Variants in TCF3 observed in about 807,000 individuals in gnomAD.
The protein encoded by TCF3 is transcription factor 3.
Under a neutral mutation model 72.3 loss-of-function variants are expected in TCF3, and 54 were observed. The observed-to-expected ratio is 0.75, with a 90% CI of 0.60 to 0.94. The LOEUF is 0.94. Among genes scored for constraint, TCF3 ranks in the 40% least tolerant of loss-of-function variants. The pLI, the probability that TCF3 is intolerant of heterozygous loss-of-function variation, is 0.00. For synonymous variants in TCF3, 525 were observed against 412.6 expected (o/e 1.27, Z -3.30); for missense variants, 1,078 against 934.4 (o/e 1.15, Z -2.00).
chr19:1,646,471 C>A lies in TCF3; in HGVS notation c.73-44G>T, dbSNP rs1241900164. The A allele has an allele frequency of 3.9e-6, 6 of 1,526,900 alleles. No homozygotes were observed. In the East Asian group the frequency reaches 1.2e-4, roughly 31 times the overall value. The allele number at this position is 1,526,900 out of a possible 1,614,324, so 94.6% of individuals were successfully genotyped here. On this transcript the variant is annotated intron_variant, in intron 2 of 18. Coordinates refer to ENST00000262965, the MANE Select transcript of TCF3 (RefSeq NM_003200.5). ...AGACGTGAGCGGGGCGGGTGGCAAA[C>A]CAAACCCTACAGTCCCGGGTTCAAA...
At chr19:1,643,307 G>A (rs766831517) in intron 3 of TCF3, among the ~76,000 whole-genome samples, 7 of 151,510 alleles carry the variant, frequency 4.6e-5, no homozygotes, top group South Asian at 2.1e-4. Flanking sequence ...TGCAACCTCC[G>A]CCTCCCAGGC....
intron 4 of TCF3, 92 bp from the exon 5 acceptor site, chr19:1,632,208 C>T (rs1456314119): frequency 6.4e-7 from 1 of 1,554,154 alleles, no homozygotes; most frequent in Non-Finnish European, 8.7e-7. Context: ...GACTCAAACC[C>T]ATGTCCCCCA....
chr19:1,613,104 G>C (rs1051289604), intron 18 of TCF3, among the ~76,000 whole-genome samples: 1 of 152,022 alleles, frequency 6.6e-6, no homozygotes, highest in African/African-American at 2.4e-5. Flanking sequence ...GGACAGCAGT[G>C]GGGGTACACG....
chr19:1,638,268 C>T (rs557877890), intron 3 of TCF3, among the ~76,000 whole-genome samples: 1 of 152,348 alleles, frequency 6.6e-6, no homozygotes, highest in Non-Finnish European at 1.5e-5. Flanking sequence ...GCCATTTGCT[C>T]AAGCCCTCAC....
At chr19:1,617,054 G>A (rs992261357) in intron 16 of TCF3, among the ~76,000 whole-genome samples, 2 of 152,222 alleles carry the variant, frequency 1.3e-5, no homozygotes, top group Non-Finnish European at 2.9e-5. Context: ...AGCACATCAA[G>A]AGATTAAGGA....
At position 1,611,656 on chromosome 19, in the gene TCF3, G is replaced by A; in HGVS notation, c.*51C>T. 6.3e-7 allele frequency: 1 copy of A among 1,579,222 alleles called. No individual in the cohort carries two copies. Among genetic ancestry groups the A allele is most frequent in the East Asian group, 2.3e-5 (1 of 44,316 alleles). Reference sequence around the variant, plus strand: ...CGGGGTCTCGAGTGGCCGTTCTGGGGCCAGAGCACAGGGCTGAAAGCGGGT... The same window carrying A: ...CGGGGTCTCGAGTGGCCGTTCTGGGACCAGAGCACAGGGCTGAAAGCGGGT... On this transcript the variant is annotated 3_prime_UTR_variant, in exon 19 of 19. Transcript: ENST00000262965.
At chr19:1,646,733 C>T (rs964603272) in intron 2 of TCF3, among the ~76,000 whole-genome samples, 3 of 152,230 alleles carry the variant, frequency 2.0e-5, no homozygotes, top group Non-Finnish European at 4.4e-5. Context: ...CCTGCCTTTG[C>T]TCTGGGGGGA....
Position 1,645,460 on chromosome 19 carries a change from C to T in TCF3, c.145+895G>A, listed in dbSNP as rs142259786. ...CCAGGGCTCCCCGCTGCCCCTGCAACGAACACAGCGCCCCTAGCCCGCCCC... is the reference window on the plus strand; with the variant it reads ...CCAGGGCTCCCCGCTGCCCCTGCAATGAACACAGCGCCCCTAGCCCGCCCC... On this transcript the variant is annotated intron_variant, in intron 3 of 18. Coordinates refer to ENST00000262965, the MANE Select transcript of TCF3 (RefSeq NM_003200.5). Among the ~76,000 whole-genome samples the T allele has an allele frequency of 4.5e-3, 692 of 152,284 alleles. 12 individuals carry two copies. Among genetic ancestry groups the T allele is most frequent in the African/African-American group, 0.016 (657 of 41,546 alleles).
chr19:1,625,398 TGCCTCGACCCCC>T (rs1268925255), intron 7 of TCF3, among the ~76,000 whole-genome samples, 166 bp downstream of exon 7: 1 of 152,170 alleles, frequency 6.6e-6, no homozygotes, highest in Non-Finnish European at 1.5e-5. Context: ...CGCCGGCCCC[TGCCTCGACCCCC>T]CGTCACCGTC....
intron 5 of TCF3, among the ~76,000 whole-genome samples, chr19:1,630,332 C>G (rs887590602): frequency 6.6e-6 from 1 of 152,198 alleles, no homozygotes; most frequent in Admixed American, 6.5e-5. Context: ...GGCCCTCAGA[C>G]ACACCCGCCA....
At chr19:1,613,655 G>A (rs1414820965) in intron 18 of TCF3, among the ~76,000 whole-genome samples, 3 of 152,110 alleles carry the variant, frequency 2.0e-5, no homozygotes, top group African/African-American at 4.8e-5. Flanking sequence ...ACCCGGGACT[G>A]GGGAGTCCAG....
Position 1,619,787 on chromosome 19 carries a change from T to C in TCF3, c.1160A>G (p.His387Arg). Residue 387 changes from histidine (H) to arginine (R), a missense_variant, in exon 14 of 19, where the codon CAC becomes CGC. Physicochemically the swap from His to Arg is conservative, Grantham distance 29. Transcript: ENST00000262965. The stretch of plus-strand genomic sequence containing the variant: ...GGCGGGGCAGGCACTCACCAGGCCG[T>C]GGAGACCCCCGTCGTAGCTGGGCGA... ...ALSPSYDGGL[H>R]GLQSKIEDHL... 1 of 1,554,896 alleles carries C rather than the reference T, an allele frequency of 6.4e-7. No homozygotes were observed. The highest frequency in any genetic ancestry group is 2.4e-5 in the East Asian group (1 of 41,152).
intron 3 of TCF3, among the ~76,000 whole-genome samples, chr19:1,645,502 G>A (rs1485455163): frequency 2.6e-5 from 4 of 151,078 alleles, no homozygotes; most frequent in Admixed American, 1.3e-4. Context: ...CGGTCCCACC[G>A]CAGGGCGTCC....
chr19:1,645,037 G>A (rs530314105), intron 3 of TCF3, among the ~76,000 whole-genome samples: 48 of 152,198 alleles, frequency 3.2e-4, no homozygotes, highest in Middle Eastern at 6.8e-3. Context: ...CAGCCCTGTG[G>A]CCACTTCCTC....
chr19:1,639,643 G>A (rs747235486), intron 3 of TCF3, among the ~76,000 whole-genome samples: 5 of 149,920 alleles, frequency 3.3e-5, no homozygotes, highest in East Asian at 2.0e-4. Context: ...AGTAGCTACC[G>A]TTTAAGCCAA....
At chr19:1,626,448 C>CA (rs1416919148) in intron 6 of TCF3, among the ~76,000 whole-genome samples, 1,454 of 132,774 alleles carry the variant, frequency 0.011, 21 homozygotes, top group African/African-American at 0.033. Context: ...AACTCCGTCT[C>CA]AAAAAAAAAA....
chr19:1,621,993 G>T (rs747181320), intron 10 of TCF3, 23 bp from the exon 11 acceptor site: 1 of 1,601,856 alleles, frequency 6.2e-7, no homozygotes, highest in Non-Finnish European at 8.5e-7. Flanking sequence ...GCAGGAGGAG[G>T]GTGGGTTAGA....
At position 1,620,936 on chromosome 19, in the gene TCF3, C is replaced by T. The variant is rs1239087499; in HGVS notation, c.1093+32G>A. On this transcript the variant is annotated intron_variant, in intron 13 of 18. Coordinates refer to ENST00000262965, the MANE Select transcript of TCF3 (RefSeq NM_003200.5). ...CCTCCCCCCAAACCCTCACAGACCT[C>T]AGCCTCCCCTCCCCCCAAAACCCTC... is the stretch of plus-strand genomic sequence containing the variant. 4.1e-6 allele frequency: 6 copies of T among 1,459,040 alleles called. No homozygotes were observed. In the African/African-American group the frequency reaches 5.9e-5, roughly 14 times the overall value. The allele number at this position is 1,459,040 out of a possible 1,614,324, so 90.4% of individuals were successfully genotyped here.
At chr19:1,613,046 C>T (rs941814702) in intron 18 of TCF3, among the ~76,000 whole-genome samples, 5 of 149,844 alleles carry the variant, frequency 3.3e-5, no homozygotes, top group South Asian at 4.2e-4. Context: ...TGTAGGTACA[C>T]GGCTGGTGTC....
Sources: allele counts gnomAD v4.1 joint callset (sites outside exome capture counted in the v4.1 genomes callset), GRCh38; gene constraint gnomAD v4.1.1; transcripts MANE v1.5; gene names NCBI Gene and HGNC (gene_info 2026-07-23, HGNC 2026-07-21).